RPS6KA2: variants seen among roughly 807,000 people sequenced by gnomAD.
RPS6KA2 encodes the protein ribosomal protein S6 kinase alpha-2.
Under a neutral mutation model 91.8 loss-of-function variants are expected in RPS6KA2, and 42 were observed. That is an observed-to-expected ratio of 0.46 (90% CI 0.36 to 0.59). RPS6KA2 has a LOEUF of 0.59. Ranked by LOEUF, RPS6KA2 falls within the 20% of genes least tolerant of loss-of-function variation. RPS6KA2 has a pLI of 0.00. For synonymous variants in RPS6KA2, 414 were observed against 393.6 expected (o/e 1.05, Z -0.61); for missense variants, 798 against 978.5 (o/e 0.82, Z 2.46).
At chr6:166,543,089 C>A (rs571918070) in intron 1 of RPS6KA2, among the ~76,000 whole-genome samples, 1 of 152,208 alleles carries the variant, frequency 6.6e-6, no homozygotes, top group Admixed American at 6.5e-5. Context: ...CTGCTGCTGA[C>A]GGCATGAACT....
At chr6:166,605,720 C>T (rs1357434484) in intron 1 of RPS6KA2, among the ~76,000 whole-genome samples, 1 of 151,928 alleles carries the variant, frequency 6.6e-6, no homozygotes, top group Non-Finnish European at 1.5e-5. Context: ...GATACACCTC[C>T]CTCCACACAT....
intron 20 of RPS6KA2, 61 bp downstream of exon 20, chr6:166,413,733 T>TCAGG (rs1450459903): frequency 6.4e-7 from 1 of 1,571,208 alleles, no homozygotes; most frequent in African/African-American, 1.4e-5. Flanking sequence ...TTGCAAGGTA[T>TCAGG]CAGGCTCTTT....
chr6:166,654,401 T>C (rs1787946477), intron 2 of RPS6KA2, among the ~76,000 whole-genome samples: 1 of 151,100 alleles, frequency 6.6e-6, no homozygotes, highest in Non-Finnish European at 1.5e-5. Context: ...GCCGGGTGAA[T>C]TCTAGACGGG....
At chr6:166,691,112 C>A (rs1347728291) in intron 2 of RPS6KA2, among the ~76,000 whole-genome samples, 16 of 152,212 alleles carry the variant, frequency 1.1e-4, no homozygotes, top group African/African-American at 3.9e-4. Context: ...CCAACTCATG[C>A]CGGGAGACCT....
At position 166,758,029 on chromosome 6, in the gene RPS6KA2, G is replaced by C. The variant is rs148665859; in HGVS notation, c.123+100171C>G. 143 of 165,338 alleles carry C rather than the reference G, an allele frequency of 8.6e-4. 1 individual carries two copies. The South Asian group carries it at 0.017, about 20-fold the overall frequency. 10.2% of individuals were successfully genotyped at this position (165,338 alleles called of 1,614,324 possible). A position where few individuals can be genotyped will look rare whatever the true frequency, so the allele number is the denominator to read the frequency against. On this transcript the variant is annotated intron_variant, in intron 2 of 21. Coordinates refer to the RPS6KA2 transcript ENST00000503859. ...AGAAACCATCAAAGACACTCTGAGG[G>C]GCAGGCCTGAGGTCCTCCTCAACGC...
At chr6:166,430,386 C>T (rs754642025) in intron 16 of RPS6KA2, 67 bp downstream of exon 16, 7 of 1,437,636 alleles carry the variant, frequency 4.9e-6, no homozygotes, top group Non-Finnish European at 6.7e-6. Context: ...CCCATAAACC[C>T]TTGTGGTTTT....
chr6:166,844,205 C>T (rs1297828800), intron 2 of RPS6KA2, among the ~76,000 whole-genome samples: 1 of 151,816 alleles, frequency 6.6e-6, no homozygotes, highest in East Asian at 1.9e-4. Context: ...TCGAATTAAC[C>T]CAATGCATCA....
intron 2 of RPS6KA2, among the ~76,000 whole-genome samples, chr6:166,835,694 A>G (rs1780300264): frequency 6.6e-6 from 1 of 152,234 alleles, no homozygotes; most frequent in African/African-American, 2.4e-5. Flanking sequence ...ATGAAAATAA[A>G]TGCAGCTTGC....
chr6:166,488,347 C>T (rs9366021), intron 10 of RPS6KA2, among the ~76,000 whole-genome samples: 3,113 of 152,268 alleles, frequency 0.02, 53 homozygotes, highest in African/African-American at 0.035. Flanking sequence ...ACAACACGGC[C>T]GCGCCAACTC....
chr6:166,466,442 C>T (rs367913263), intron 11 of RPS6KA2, among the ~76,000 whole-genome samples: 1 of 152,230 alleles, frequency 6.6e-6, no homozygotes, highest in Non-Finnish European at 1.5e-5. Context: ...GGAGTGGCTC[C>T]ACTCTTGGCT....
At chr6:166,831,447 T>C (rs547091539) in intron 2 of RPS6KA2, among the ~76,000 whole-genome samples, 2 of 151,968 alleles carry the variant, frequency 1.3e-5, no homozygotes, top group Non-Finnish European at 2.9e-5. Flanking sequence ...GCATGACACC[T>C]TCCCCCCTGC....
rs1421578939 is a variant in RPS6KA2, at chr6:166,412,553, G to A, written c.*209C>T. 2.2e-5 allele frequency: 10 copies of A among 457,992 alleles called. No homozygotes were observed. Among genetic ancestry groups the A allele is most frequent in the East Asian group, 1.1e-4 (3 of 27,462 alleles). 28.4% of individuals were successfully genotyped at this position (457,992 alleles called of 1,614,324 possible). A position where few individuals can be genotyped will look rare whatever the true frequency, so the allele number is the denominator to read the frequency against. ...GGTTTCGCTTGGGAGAAAAGAGAGC[G>A]GGCGGGGAGGCTGGCGCAGTGAGGC... is the stretch of plus-strand genomic sequence containing the variant. On this transcript the variant is annotated 3_prime_UTR_variant, in exon 21 of 21. Transcript: ENST00000265678. The surrounding 1 kb of genome is among the most constrained non-coding windows in gnomAD (Gnocchi z 4.3).
chr6:166,752,759 G>T (rs34781195), intron 2 of RPS6KA2, among the ~76,000 whole-genome samples: 2 of 152,132 alleles, frequency 1.3e-5, no homozygotes, highest in African/African-American at 4.8e-5. Context: ...TTATGTGGTT[G>T]TTAGCCTCTC....
At chr6:166,782,781 C>T (rs2128610877) in intron 2 of RPS6KA2, among the ~76,000 whole-genome samples, 1 of 152,290 alleles carries the variant, frequency 6.6e-6, no homozygotes, top group Non-Finnish European at 1.5e-5. Flanking sequence ...GCAACAGAAG[C>T]CAGAAGTGCA....
chr6:166,609,047 G>T (rs758588921), intron 1 of RPS6KA2, among the ~76,000 whole-genome samples: 1 of 152,218 alleles, frequency 6.6e-6, no homozygotes, highest in African/African-American at 2.4e-5. Context: ...GCCTGAGAGA[G>T]AGCAAGGGGT....
At chr6:166,772,088 A>G (rs1019584991) in intron 2 of RPS6KA2, among the ~76,000 whole-genome samples, 2 of 152,108 alleles carry the variant, frequency 1.3e-5, no homozygotes, top group African/African-American at 4.8e-5. Context: ...TGACTTTACC[A>G]CTTGTTTTTG....
Position 166,498,520 on chromosome 6 carries a change from G to A in RPS6KA2, c.735C>T (p.Phe245=), listed in dbSNP as rs148947581. ...GGGGCAGGCTCACCATGAGCACGCC[G>A]AAGGACCACCAGTCGGCACTCTGCG... ...GHTQSADWWS[F]GVLMFEMLTG... Residue 245 remains phenylalanine, a synonymous_variant, in exon 8 of 21, where the codon TTC becomes TTT. Transcript: ENST00000265678. 37 of 1,610,314 alleles carry A rather than the reference G, an allele frequency of 2.3e-5. No homozygotes were observed. Among genetic ancestry groups the A allele is most frequent in the South Asian group, 7.7e-5 (7 of 90,694 alleles).
intron 10 of RPS6KA2, among the ~76,000 whole-genome samples, chr6:166,485,617 A>G (rs1444801070): frequency 6.6e-6 from 1 of 152,190 alleles, no homozygotes; most frequent in Non-Finnish European, 1.5e-5. Context: ...ACCGCGATGC[A>G]TTGGCTTAGC....
intron 12 of RPS6KA2, among the ~76,000 whole-genome samples, chr6:166,458,990 T>C (rs967144165): frequency 2.0e-5 from 3 of 152,238 alleles, no homozygotes; most frequent in African/African-American, 7.2e-5. Flanking sequence ...ATGCATCCAA[T>C]TGCTGTGCTA....
Sources: gnomAD v4.1 joint callset for allele counts (sites outside exome capture counted in the v4.1 genomes callset) on GRCh38, gnomAD v4.1.1 for gene constraint, Gnocchi (gnomAD v3.1) non-coding constraint, MANE v1.5 for transcripts, NCBI Gene and HGNC (gene_info 2026-07-23, HGNC 2026-07-21) for gene names.